CATSPERE: variants seen among roughly 807,000 people sequenced by gnomAD.
CATSPERE encodes catsper channel auxiliary subunit epsilon, also known as cation channel sperm-associated auxiliary subunit epsilon.
In CATSPERE, 93 loss-of-function variants were observed where a neutral mutation model predicts 114.1. That is an observed-to-expected ratio of 0.81 (90% CI 0.69 to 0.97). The LOEUF (loss-of-function observed/expected upper bound fraction) is 0.97. CATSPERE is among the 50% of genes least tolerant of loss of function. The pLI is 0.00. For missense variants in CATSPERE, 1,058 were observed against 1,131.6 expected (o/e 0.93, Z 0.93); for synonymous variants, 341 against 384.1 (o/e 0.89, Z 1.31).
At chr1:244,512,620 G>A (rs1186546089) in intron 7 of CATSPERE, among the ~76,000 whole-genome samples, 1 of 152,048 alleles carries the variant, frequency 6.6e-6, no homozygotes, top group Non-Finnish European at 1.5e-5. Flanking sequence ...TCCTTTGGAA[G>A]AGCCATGTTT....
chr1:244,533,482 G>A (rs1210249742), intron 8 of CATSPERE, among the ~76,000 whole-genome samples: 5 of 151,944 alleles, frequency 3.3e-5, no homozygotes, highest in Middle Eastern at 6.8e-3. Context: ...GATTTTCTCA[G>A]GTGGTATGTT....
At chr1:244,612,159 A>C (rs1288530680) in intron 19 of CATSPERE, among the ~76,000 whole-genome samples, 1 of 152,208 alleles carries the variant, frequency 6.6e-6, no homozygotes, top group Non-Finnish European at 1.5e-5. Flanking sequence ...GGGTGAATTC[A>C]GTCTGAAGTC....
intron 21 of CATSPERE, 42 bp from the exon 22 acceptor site, chr1:244,639,886 A>G: frequency 1.3e-6 from 2 of 1,493,642 alleles, no homozygotes. Flanking sequence ...CAAAGTGTGA[A>G]CAATGACTTC....
At chr1:244,516,364 T>TTTC (rs1676616697) in intron 7 of CATSPERE, among the ~76,000 whole-genome samples, 1 of 152,156 alleles carries the variant, frequency 6.6e-6, no homozygotes, top group African/African-American at 2.4e-5. Context: ...TGTTTGTTTT[T>TTTC]AGAGATGGGG....
rs890890396 is a variant in CATSPERE at position 244,504,083 on chromosome 1, C to A, written c.429+5004C>A. 2.0e-5 allele frequency among the ~76,000 whole-genome samples: 3 copies of A among 151,756 alleles called. No individual in the cohort carries two copies. The highest frequency in any genetic ancestry group is 4.4e-5 in the Non-Finnish European group (3 of 67,946). On this transcript the variant is annotated intron_variant, in intron 7 of 21. Transcript: ENST00000366534. This position sits in a 1 kb window ranked among gnomAD's most constrained non-coding sequence, Gnocchi z 4.1. The stretch of plus-strand genomic sequence containing the variant: ...GTTTCTTTTTTATTTAACATGGTAA[C>A]CATAGTAGAATGTAAAACCAATGTG...
chr1:244,565,120 T>C (rs143414591), intron 10 of CATSPERE, among the ~76,000 whole-genome samples: 1,818 of 152,204 alleles, frequency 0.012, 44 homozygotes, highest in African/African-American at 0.04. Flanking sequence ...AGTGGATAAG[T>C]TTTTTAATGT....
chr1:244,477,009 T>C (rs1265692926), intron 2 of CATSPERE, among the ~76,000 whole-genome samples: 2 of 152,214 alleles, frequency 1.3e-5, no homozygotes, highest in Non-Finnish European at 2.9e-5. Flanking sequence ...CTTTTCTTTT[T>C]TTTGAGATGG....
intron 19 of CATSPERE, 89 bp downstream of exon 19, chr1:244,610,415 G>A: frequency 6.5e-6 from 6 of 917,800 alleles, no homozygotes; most frequent in Non-Finnish European, 1.1e-5. Flanking sequence ...AAACATTTTG[G>A]ATTTAAATTT....
intron 7 of CATSPERE, among the ~76,000 whole-genome samples, chr1:244,508,357 G>T (rs1331636902): frequency 4.1e-5 from 6 of 147,848 alleles, no homozygotes; most frequent in African/African-American, 1.5e-4. Flanking sequence ...TTGGAGTGCA[G>T]TGGCGCGATC....
intron 10 of CATSPERE, 63 bp from the exon 11 acceptor site, chr1:244,572,267 C>A: frequency 1.2e-6 from 1 of 817,560 alleles, no homozygotes; most frequent in Non-Finnish European, 1.9e-6. Flanking sequence ...TAAAAGTACA[C>A]TTAACTAAAA....
At chr1:244,560,205 G>T (rs1302157889) in intron 9 of CATSPERE, among the ~76,000 whole-genome samples, 2 of 151,964 alleles carry the variant, frequency 1.3e-5, no homozygotes, top group East Asian at 3.9e-4. Context: ...TGCCCAGGCT[G>T]GTCTCAAACC....
chr1:244,498,749 T>TA (rs1487037839), intron 6 of CATSPERE, among the ~76,000 whole-genome samples: 1 of 151,890 alleles, frequency 6.6e-6, no homozygotes, highest in African/African-American at 2.4e-5. Flanking sequence ...AATACAAAAA[T>TA]TAGCCAGGCA....
In CATSPERE at chr1:244,477,583, G is replaced by A. The variant is rs1204024011; in HGVS notation, c.157G>A (p.Val53Met). ...YEGTLFTEWS[V>M]PETCFVLNKS... ...AGGAACATTATTTACTGAGTGGAGT[G>A]TGCCAGAAACTTGTTTTGTGCTAAA... Residue 53 changes from valine (V) to methionine (M), a missense_variant, in exon 3 of 22, where the codon GTG becomes ATG. This residue lies in a region of CATSPERE where 271 missense variants were observed against 225.9 expected (regional missense o/e 1.20). Coordinates refer to ENST00000366534, the MANE Select transcript of CATSPERE (RefSeq NM_001130957.2). 2 of 1,601,996 alleles carry A rather than the reference G, an allele frequency of 1.2e-6. No homozygotes were observed. The highest frequency in any genetic ancestry group is 1.7e-4 in the Middle Eastern group (1 of 6,054).
At chr1:244,477,821 A>G (rs1669608868) in intron 3 of CATSPERE, 85 bp from the exon 4 acceptor site, 1 of 1,189,794 alleles carries the variant, frequency 8.4e-7, no homozygotes, top group East Asian at 2.4e-5. Flanking sequence ...TACAATTGAA[A>G]TTTTTAGGCT....
chr1:244,564,318 T>G (rs1663068286), intron 10 of CATSPERE, among the ~76,000 whole-genome samples: 1 of 152,216 alleles, frequency 6.6e-6, no homozygotes, highest in African/African-American at 2.4e-5. Flanking sequence ...GGGGATAGCA[T>G]TGAATCTATA....
At chr1:244,551,861 G>A (rs1030714538) in intron 8 of CATSPERE, among the ~76,000 whole-genome samples, 1 of 151,898 alleles carries the variant, frequency 6.6e-6, no homozygotes, top group African/African-American at 2.4e-5. Context: ...TCAGGAGATT[G>A]AGACCATCCT....
chr1:244,601,585 T>TG (rs1669222393), intron 17 of CATSPERE, among the ~76,000 whole-genome samples: 1 of 151,988 alleles, frequency 6.6e-6, no homozygotes, highest in African/African-American at 2.4e-5. Flanking sequence ...TAAATATAAC[T>TG]GGGGGTCAGA....
chr1:244,542,555 C>T (rs112825568), intron 8 of CATSPERE, among the ~76,000 whole-genome samples: 2,141 of 152,164 alleles, frequency 0.014, 27 homozygotes, highest in Middle Eastern at 0.058. Context: ...TGTTTAGCTC[C>T]CACTTACTTA....
chr1:244,594,944 T>A (rs1668196343), intron 17 of CATSPERE, among the ~76,000 whole-genome samples: 1 of 152,148 alleles, frequency 6.6e-6, no homozygotes, highest in African/African-American at 2.4e-5. Flanking sequence ...TTTCTTAGTT[T>A]TGATCTTCTT....
Sources: gnomAD v4.1 joint callset for allele counts (sites outside exome capture counted in the v4.1 genomes callset) on GRCh38, gnomAD v4.1.1 for gene constraint, gnomAD v4.1.1 regional missense constraint, Gnocchi (gnomAD v3.1) non-coding constraint, MANE v1.5 for transcripts, NCBI Gene and HGNC (gene_info 2026-07-23, HGNC 2026-07-21) for gene names.